Variants in CTNS observed in about 807,000 individuals in gnomAD.
CTNS encodes cystinosin, lysosomal cystine transporter.
In CTNS, 27 loss-of-function variants were observed where a neutral mutation model predicts 43.7. The observed-to-expected ratio is 0.62, with a 90% CI of 0.46 to 0.85. CTNS has a LOEUF of 0.85. Ranked by LOEUF, CTNS falls within the 40% of genes least tolerant of loss-of-function variation. The pLI is 0.00. For synonymous variants in CTNS, 187 were observed against 190.6 expected, an observed-to-expected ratio of 0.98 and a Z score of 0.16; for missense variants, 457 against 475.4, an observed-to-expected ratio of 0.96 and a Z score of 0.36.
rs533147998 is a variant in CTNS, at chr17:3,658,154, G to A, written c.831G>A (p.Thr277=). The A allele has an allele frequency of 5.6e-6, 9 of 1,611,938 alleles. No homozygotes were observed. The highest frequency in any genetic ancestry group is 2.2e-5 in the South Asian group (2 of 91,018). ...TCTCCTACATCAAGCTCGCAGTCACGCTGGTCAAGTATTTTCCACAGGTAC... is the reference window on the plus strand; with the variant it reads ...TCTCCTACATCAAGCTCGCAGTCACACTGGTCAAGTATTTTCCACAGGTAC... ...FCFSYIKLAV[T]LVKYFPQAYM... is the part of the protein sequence containing the mutation. Residue 277 remains threonine, a synonymous_variant, in exon 10 of 12, where the codon ACG becomes ACA. Coordinates refer to ENST00000046640, the MANE Select transcript of CTNS (RefSeq NM_004937.3).
intron 2 of CTNS, 149 bp downstream of exon 2, chr17:3,637,465 ATT>A (rs140194982): frequency 0.16 from 23,072 of 144,268 alleles, 1,917 homozygotes; most frequent in East Asian, 0.26. Context: ...CCCCAAGCCA[ATT>A]TTTTTTTTTT....
chr17:3,654,871 G>C (rs2076087121), intron 5 of CTNS, 127 bp from the exon 6 acceptor site: 2 of 787,296 alleles, frequency 2.5e-6, no homozygotes, highest in African/African-American at 1.7e-5. Flanking sequence ...TGCTTAGTAA[G>C]CTCTTGGAAG....
chr17:3,647,203 T>A (rs1218787070), intron 3 of CTNS, among the ~76,000 whole-genome samples: 1 of 152,228 alleles, frequency 6.6e-6, no homozygotes, highest in Non-Finnish European at 1.5e-5. Flanking sequence ...GAGCCTGTCA[T>A]CGCAGCGGGA....
chr17:3,637,539 T>C (rs1040466329), intron 2 of CTNS, among the ~76,000 whole-genome samples: 2 of 151,726 alleles, frequency 1.3e-5, no homozygotes, highest in African/African-American at 2.4e-5. Context: ...CGATCTCGGC[T>C]CACTGCAACC....
rs35086888 is a variant in CTNS, at chr17:3,647,506, G to A, written c.124G>A (p.Val42Ile). The A allele has an allele frequency of 3.3e-3, 5,253 of 1,614,070 alleles. 167 individuals are homozygous for A. The African/African-American group carries it at 0.063, about 19-fold the overall frequency. Residue 42 changes from valine to isoleucine, a missense_variant, in exon 4 of 12, where the codon GTC (valine) becomes ATC (isoleucine). Coordinates refer to ENST00000046640, the MANE Select transcript of CTNS (RefSeq NM_004937.3). ...GCTGGAGAACGGCAGCTCGACCAAC[G>A]TCAGCCTCACCCTGCGGTAAGTTCC... Reference protein sequence around the residue: ...VKLENGSSTNVSLTLRPPLNA... With the variant: ...VKLENGSSTNISLTLRPPLNA...
intron 7 of CTNS, chr17:3,656,027 C>A (rs1029299365): frequency 1.6e-5 from 5 of 318,604 alleles, no homozygotes; most frequent in Non-Finnish European, 3.1e-5. Context: ...GAGCCCTGTC[C>A]CTCCCATTCC....
At chr17:3,652,358 G>A (rs9909117) in intron 5 of CTNS, among the ~76,000 whole-genome samples, 7,678 of 152,216 alleles carry the variant, frequency 0.05, 394 homozygotes, top group African/African-American at 0.13. Flanking sequence ...TCGGGAGGCC[G>A]AGGCAGGCAG....
intron 3 of CTNS, 84 bp from the exon 4 acceptor site, chr17:3,647,360 G>A (rs1414539076): frequency 8.8e-7 from 1 of 1,134,776 alleles, no homozygotes; most frequent in Non-Finnish European, 1.3e-6. Flanking sequence ...CAGGAGTTCA[G>A]ATGTCAGGGG....
At chr17:3,643,655 C>T (rs1206758225) in intron 3 of CTNS, among the ~76,000 whole-genome samples, 2 of 152,114 alleles carry the variant, frequency 1.3e-5, no homozygotes, top group Non-Finnish European at 2.9e-5. Context: ...CAACCTCTGC[C>T]TCCCGGGTTC....
At chr17:3,650,231 C>G in intron 5 of CTNS, 2 of 1,550,542 alleles carry the variant, frequency 1.3e-6, no homozygotes, top group Middle Eastern at 1.7e-4. Flanking sequence ...TGAGGCACAT[C>G]AAGATGGGCT....
At chr17:3,651,973 C>CAAAAAAAAAAA (rs111244009) in intron 5 of CTNS, among the ~76,000 whole-genome samples, 4 of 117,802 alleles carry the variant, frequency 3.4e-5, no homozygotes, top group African/African-American at 6.6e-5. Context: ...GACCCTGTCT[C>CAAAAAAAAAAA]AAAAAAAAAG....
chr17:3,655,433 C>G, intron 7 of CTNS, 81 bp downstream of exon 7: 1 of 1,581,016 alleles, frequency 6.3e-7, no homozygotes, highest in Non-Finnish European at 8.7e-7. Context: ...GATAGCGCAG[C>G]CTCCAACGTC....
upstream of CTNS, chr17:3,636,514 G>C: frequency 5.2e-6 from 2 of 382,100 alleles, no homozygotes; most frequent in Non-Finnish European, 9.5e-6. Flanking sequence ...CACGAAAGGA[G>C]CCGGGAGGCG....
chr17:3,654,783 T>G (rs567584280), intron 5 of CTNS, among the ~76,000 whole-genome samples: 1 of 151,940 alleles, frequency 6.6e-6, no homozygotes, highest in South Asian at 2.1e-4. Flanking sequence ...TTGCTTGAGC[T>G]CAGGAGTTCG....
At chr17:3,651,644 C>A (rs2075985220) in intron 5 of CTNS, among the ~76,000 whole-genome samples, 1 of 152,006 alleles carries the variant, frequency 6.6e-6, no homozygotes, top group Non-Finnish European at 1.5e-5. Flanking sequence ...TACTTCTCTA[C>A]CTATATGTCA....
At position 3,662,310 on chromosome 17, in the gene CTNS, TCA is replaced by T. The variant is rs753171085; in HGVS notation, c.*1942_*1943del. Among the ~76,000 whole-genome samples the T allele has an allele frequency of 5.0e-5, 2 of 40,244 alleles. No homozygotes were observed. Among genetic ancestry groups the T allele is most frequent in the African/African-American group, 1.6e-4 (2 of 12,808 alleles). The allele number at this position is 40,244 out of a possible 152,430, so 26.4% of individuals were successfully genotyped here. A position where few individuals can be genotyped will look rare whatever the true frequency, so the allele number is the denominator to read the frequency against. On this transcript the variant is annotated 3_prime_UTR_variant, in exon 12 of 12. Coordinates refer to ENST00000046640, the MANE Select transcript of CTNS (RefSeq NM_004937.3). The stretch of plus-strand genomic sequence containing the variant: ...TGGGCAACAAGAACGAAACTCCATC[TCA>T]AAAAAAAAAAAAAATTATTGACTTT...
chr17:3,639,534 G>T (rs2075628904), intron 2 of CTNS, among the ~76,000 whole-genome samples: 1 of 151,948 alleles, frequency 6.6e-6, no homozygotes, highest in Non-Finnish European at 1.5e-5. Context: ...CGGGCATGGT[G>T]GGGGGCACCT....
intron 1 of CTNS, 48 bp downstream of exon 1, chr17:3,636,879 G>A (rs1260075054): frequency 2.0e-5 from 3 of 152,312 alleles, no homozygotes. Flanking sequence ...ACCCCTTGAG[G>A]CACAGCAGGT....
chr17:3,647,561 A>G (rs766640125), intron 4 of CTNS, 39 bp downstream of exon 4: 2 of 1,586,980 alleles, frequency 1.3e-6, no homozygotes, highest in Admixed American at 1.7e-5. Flanking sequence ...AGCTCCGCTC[A>G]GGCCCCGCAG....
Sources: gnomAD v4.1 joint callset for allele counts (sites outside exome capture counted in the v4.1 genomes callset) on GRCh38, gnomAD v4.1.1 for gene constraint, MANE v1.5 for transcripts, NCBI Gene and HGNC (gene_info 2026-07-23, HGNC 2026-07-21) for gene names.